The following PRMT1 variants were observed in gnomAD, a reference collection of about 807,000 sequenced individuals.
PRMT1 encodes protein arginine methyltransferase 1.
PRMT1 carries 5 observed loss-of-function variants against 47.4 expected under a neutral mutation model. That is an observed-to-expected ratio of 0.11 (90% CI 0.06 to 0.22). The LOEUF (loss-of-function observed/expected upper bound fraction) is 0.22. Among genes scored for constraint, PRMT1 ranks in the 10% least tolerant of loss-of-function variants. The pLI is 1.00. For missense variants in PRMT1, 249 were observed against 518.4 expected (o/e 0.48, Z 5.05); for synonymous variants, 227 against 204.6 (o/e 1.11, Z -0.94).
In PRMT1 at chr19:49,684,582, G is replaced by GC. The variant is rs2082176195; in HGVS notation, c.556-168dup. ...CCAAGGGCCGGGAGCTGACTGGGGT[G>GC]CCCCTGGGTGCCCTCTGGCGGCCGT... On this transcript the variant is annotated intron_variant, in intron 6 of 10. Transcript: ENST00000454376. The surrounding 1 kb of genome is among the most constrained non-coding windows in gnomAD (Gnocchi z 6.2). Among the ~76,000 whole-genome samples the GC allele has an allele frequency of 6.6e-6, 1 of 152,238 alleles. No individual in the cohort carries two copies. The highest frequency in any genetic ancestry group is 2.4e-5 in the African/African-American group (1 of 41,462).
chr19:49,677,479 A>C, intron 1 of PRMT1, 163 bp downstream of exon 1: 1 of 515,904 alleles, frequency 1.9e-6, no homozygotes, highest in Non-Finnish European at 3.1e-6. Flanking sequence ...GTTTGAGGTG[A>C]CGGCTCCCTA....
chr19:49,683,864 G>C (rs1568487668), intron 5 of PRMT1, 63 bp from the exon 6 acceptor site: 1 of 1,569,456 alleles, frequency 6.4e-7, no homozygotes, highest in African/African-American at 1.4e-5. Flanking sequence ...CTAGCCCCCG[G>C]GGGAGGTGAG....
rs2082112994 is a variant in PRMT1 at position 49,681,156 on chromosome 19, C to A, written c.192+568C>A. On this transcript the variant is annotated intron_variant, in intron 3 of 10. Transcript: ENST00000454376. The surrounding 1 kb of genome is among the most constrained non-coding windows in gnomAD (Gnocchi z 4.4). Reference sequence around the variant, plus strand: ...CCTCGACCTCCCCGGCTCAGGTGATCCCCCCACTTCCACTTTCGGAGTAGC... The same window carrying A: ...CCTCGACCTCCCCGGCTCAGGTGATACCCCCACTTCCACTTTCGGAGTAGC... 6.6e-6 allele frequency among the ~76,000 whole-genome samples: 1 copy of A among 152,168 alleles called. No homozygotes were observed.
Position 49,685,166 on chromosome 19 carries a change from A to G in PRMT1, c.759+129A>G. On this transcript the variant is annotated intron_variant, in intron 8 of 10. Coordinates refer to ENST00000454376, the MANE Select transcript of PRMT1 (RefSeq NM_001536.6). This position sits in a 1 kb window ranked among gnomAD's most constrained non-coding sequence, Gnocchi z 4.7. The stretch of plus-strand genomic sequence containing the variant: ...TCTCAGAGCCTGATCTGCCAGCCAG[A>G]GGTGGTGCTAGAGGCCCAGGAAAGA... The G allele has an allele frequency of 1.9e-6, 3 of 1,552,872 alleles. No homozygotes were observed. Among genetic ancestry groups the G allele is most frequent in the Non-Finnish European group, 2.6e-6 (3 of 1,150,230 alleles).
chr19:49,683,290 T>C (rs2082148200), intron 5 of PRMT1, among the ~76,000 whole-genome samples: 3 of 152,170 alleles, frequency 2.0e-5, no homozygotes, highest in South Asian at 4.1e-4. Context: ...CACTGTGATG[T>C]AATTTTCCCG....
chr19:49,683,416 C>T (rs2082151234), intron 5 of PRMT1, among the ~76,000 whole-genome samples: 1 of 151,922 alleles, frequency 6.6e-6, no homozygotes. Flanking sequence ...CGGCCGGGCA[C>T]AGTGGCTCAC....
At chr19:49,687,736 T>C (rs2082231198) in intron 10 of PRMT1, 2 of 219,506 alleles carry the variant, frequency 9.1e-6, no homozygotes, top group South Asian at 1.5e-4. Context: ...GTTGGTGACT[T>C]TGTCTCATCT....
rs1442792507 is a variant in PRMT1 at position 49,685,416 on chromosome 19, G to A, written c.759+379G>A. 10 of 1,197,432 alleles carry A rather than the reference G, an allele frequency of 8.4e-6. No homozygotes were observed. Among genetic ancestry groups the A allele is most frequent in the African/African-American group, 7.9e-5 (5 of 63,346 alleles). 74.2% of individuals were successfully genotyped at this position (1,197,432 alleles called of 1,614,324 possible). A position where few individuals can be genotyped will look rare whatever the true frequency, so the allele number is the denominator to read the frequency against. On this transcript the variant is annotated intron_variant, in intron 8 of 10. Transcript: ENST00000454376. This position sits in a 1 kb window ranked among gnomAD's most constrained non-coding sequence, Gnocchi z 4.7. ...GATGTGCCTGAGGTCCCAGCTACTCGGGAGGATCACTTGGGCCTGGGAGTT... is the reference window on the plus strand; with the variant it reads ...GATGTGCCTGAGGTCCCAGCTACTCAGGAGGATCACTTGGGCCTGGGAGTT...
chr19:49,680,220 C>G lies in PRMT1; in HGVS notation c.91-267C>G, dbSNP rs760765886. ...CTGTGGGCTGAGCTAGAGACGGGGTCAGAGAGACTGGAGAGATGGTAGGCG... is the reference window on the plus strand; with the variant it reads ...CTGTGGGCTGAGCTAGAGACGGGGTGAGAGAGACTGGAGAGATGGTAGGCG... On this transcript the variant is annotated intron_variant, in intron 2 of 10. Coordinates refer to ENST00000454376, the MANE Select transcript of PRMT1 (RefSeq NM_001536.6). The surrounding 1 kb of genome is among the most constrained non-coding windows in gnomAD (Gnocchi z 4.2). 6.3e-7 allele frequency: 1 copy of G among 1,597,738 alleles called. No individual in the cohort carries two copies. The highest frequency in any genetic ancestry group is 1.3e-5 in the African/African-American group (1 of 74,568).
Position 49,683,463 on chromosome 19 carries a change from C to T in PRMT1, c.413-464C>T, listed in dbSNP as rs371286434. Among the ~76,000 whole-genome samples the T allele has an allele frequency of 1.1e-3, 171 of 151,896 alleles. 1 individual carries two copies. The highest frequency in any genetic ancestry group is 3.8e-3 in the African/African-American group (159 of 41,480). ...CAACATTTTGGGAGGCCGAGGCGGG[C>T]GGATCGTGAGGTCAGGAGATCAAGA... is the stretch of plus-strand genomic sequence containing the variant. On this transcript the variant is annotated intron_variant, in intron 5 of 10. Coordinates refer to ENST00000454376, the MANE Select transcript of PRMT1 (RefSeq NM_001536.6).
chr19:49,685,778 CT>C lies in PRMT1; in HGVS notation c.760-313del. ...CGTTTGAAGCCATCATGTTGTTGGA[CT>C]TGTCAAGGGGTTGGGGAGACAGTGG... On this transcript the variant is annotated intron_variant, in intron 8 of 10. Transcript: ENST00000454376. This position sits in a 1 kb window ranked among gnomAD's most constrained non-coding sequence, Gnocchi z 4.7. 2 of 1,158,430 alleles carry C rather than the reference CT, an allele frequency of 1.7e-6. No individual in the cohort carries two copies. Among genetic ancestry groups the C allele is most frequent in the Non-Finnish European group, 2.1e-6 (2 of 936,870 alleles). 71.8% of individuals were successfully genotyped at this position (1,158,430 alleles called of 1,614,324 possible).
intron 5 of PRMT1, chr19:49,683,643 A>AG (rs2082156552): frequency 3.3e-6 from 1 of 299,924 alleles, no homozygotes; most frequent in Non-Finnish European, 6.3e-6. Context: ...AGCTGAGATC[A>AG]CGCCACTGCA....
rs1369130901 is a variant in PRMT1, at chr19:49,683,990, T to C, written c.476T>C (p.Ile159Thr). The C allele has an allele frequency of 6.2e-7, 1 of 1,613,914 alleles. No homozygotes were observed. Among genetic ancestry groups the C allele is most frequent in the Non-Finnish European group, 8.5e-7 (1 of 1,180,006 alleles). ...VELPVEKVDIIISEWMGYCLF... is the reference protein window; with the variant it reads ...VELPVEKVDITISEWMGYCLF... ...CTCCCAGTGGAGAAGGTGGACATCA[T>C]CATCAGCGAGTGGATGGGCTACTGC... Residue 159 changes from isoleucine to threonine, a missense_variant, in exon 6 of 11, where the codon ATC (isoleucine) becomes ACC (threonine). Ile to Thr is a moderately conservative substitution (Grantham distance 89, BLOSUM62 -1). Coordinates refer to ENST00000454376, the MANE Select transcript of PRMT1 (RefSeq NM_001536.6).
At chr19:49,682,871 C>T (rs2082140915) in intron 5 of PRMT1, among the ~76,000 whole-genome samples, 1 of 150,520 alleles carries the variant, frequency 6.6e-6, no homozygotes, top group Non-Finnish European at 1.5e-5. Context: ...CTGCAAGCTC[C>T]GCCTCCTGGG....
chr19:49,683,760 A>G, intron 5 of PRMT1, 167 bp from the exon 6 acceptor site: 2 of 728,706 alleles, frequency 2.7e-6, no homozygotes, highest in Non-Finnish European at 4.4e-6. Flanking sequence ...CTGCCTCAAA[A>G]ATGTCCAGAA....
In PRMT1 at chr19:49,685,249, T is replaced by A. The variant is rs2082187836; in HGVS notation, c.759+212T>A. ...GCTGTGTGAGAACCATGCTTGGCAC[T>A]TGGCTTCTGGCGGAGGAAACACCCA... On this transcript the variant is annotated intron_variant, in intron 8 of 10. Coordinates refer to ENST00000454376, the MANE Select transcript of PRMT1 (RefSeq NM_001536.6). The surrounding 1 kb of genome is among the most constrained non-coding windows in gnomAD (Gnocchi z 4.7). 1 of 1,481,408 alleles carries A rather than the reference T, an allele frequency of 6.8e-7. No homozygotes were observed. Among genetic ancestry groups the A allele is most frequent in the Non-Finnish European group, 9.0e-7 (1 of 1,116,202 alleles). 91.8% of individuals were successfully genotyped at this position (1,481,408 alleles called of 1,614,324 possible).
Position 49,684,181 on chromosome 19 carries a change from A to G in PRMT1, c.555+112A>G, listed in dbSNP as rs1048747485. 1 of 1,438,422 alleles carries G rather than the reference A, an allele frequency of 7.0e-7. No homozygotes were observed. The allele number at this position is 1,438,422 out of a possible 1,614,324, so 89.1% of individuals were successfully genotyped here. ...GGACTTACTGTGGGGGCTTAGCTGC[A>G]AGGTGTTAGAAAGCCACAGCCCAAG... On this transcript the variant is annotated intron_variant, in intron 6 of 10. Coordinates refer to ENST00000454376, the MANE Select transcript of PRMT1 (RefSeq NM_001536.6). The surrounding 1 kb of genome is among the most constrained non-coding windows in gnomAD (Gnocchi z 6.2).
Position 49,686,136 on chromosome 19 carries a change from C to T in PRMT1, c.803C>T (p.Thr268Ile). The T allele has an allele frequency of 6.2e-7, 1 of 1,614,086 alleles. No individual in the cohort carries two copies. Among genetic ancestry groups the T allele is most frequent in the Non-Finnish European group, 8.5e-7 (1 of 1,179,978 alleles). The stretch of plus-strand genomic sequence containing the variant: ...GTCAAGGTGGAAGACCTGACCTTCA[C>T]CTCCCCGTTCTGCCTGCAAGTGAAG... ...YTVKVEDLTFTSPFCLQVKRN... is the reference protein window; with the variant it reads ...YTVKVEDLTFISPFCLQVKRN... Residue 268 changes from threonine to isoleucine, a missense_variant, in exon 9 of 11, where the codon ACC (threonine) becomes ATC (isoleucine). By Grantham distance (89) the Thr-to-Ile change is moderately conservative (BLOSUM62 -1). Transcript: ENST00000454376.
In PRMT1 at chr19:49,680,065, A is replaced by G; in HGVS notation, c.90+140A>G. 8.9e-7 allele frequency: 1 copy of G among 1,118,052 alleles called. No individual in the cohort carries two copies. The allele number at this position is 1,118,052 out of a possible 1,614,324, so 69.3% of individuals were successfully genotyped here. On this transcript the variant is annotated intron_variant, in intron 2 of 10. Coordinates refer to ENST00000454376, the MANE Select transcript of PRMT1 (RefSeq NM_001536.6). The surrounding 1 kb of genome is among the most constrained non-coding windows in gnomAD (Gnocchi z 4.2). ...TACCCCAGGCCCCCAGACACTTAGT[A>G]GCAACCCCTCCAGGTTCACAGCCCC...
Sources: allele counts gnomAD v4.1 joint callset (sites outside exome capture counted in the v4.1 genomes callset), GRCh38; gene constraint gnomAD v4.1.1; non-coding constraint Gnocchi (gnomAD v3.1); transcripts MANE v1.5; gene names NCBI Gene and HGNC (gene_info 2026-07-23, HGNC 2026-07-21).